The following MYOF variants were observed in gnomAD, a reference collection of about 807,000 sequenced individuals.
The protein encoded by MYOF is myoferlin.
A neutral mutation model predicts 284.2 loss-of-function variants in MYOF; 244 were observed. The ratio of observed to expected loss-of-function variants is 0.86; its 90% CI spans 0.77 to 0.95. The LOEUF (loss-of-function observed/expected upper bound fraction) is 0.95, where lower values mean the gene tolerates loss of function less well. Ranked by LOEUF, MYOF falls within the 40% of genes least tolerant of loss-of-function variation. MYOF has a pLI of 0.00. For missense variants in MYOF, 2,496 were observed against 2,560.6 expected, an observed-to-expected ratio of 0.97 and a Z score of 0.54; for synonymous variants, 904 against 919.7, an observed-to-expected ratio of 0.98 and a Z score of 0.31.
intron 5 of MYOF, among the ~76,000 whole-genome samples, chr10:93,417,951 T>G (rs1848200483): frequency 6.6e-6 from 1 of 152,130 alleles, no homozygotes; most frequent in African/African-American, 2.4e-5. Context: ...ACGTGCATCA[T>G]CACACCCAGC....
intron 11 of MYOF, 152 bp downstream of exon 11, chr10:93,402,080 T>A (rs1331976835): frequency 4.8e-6 from 3 of 626,430 alleles, no homozygotes; most frequent in South Asian, 2.0e-5. Context: ...AATTCCATGA[T>A]GAAGAAAAGA....
At chr10:93,431,746 C>CTT (rs35400002) in intron 3 of MYOF, among the ~76,000 whole-genome samples, 3,800 of 131,742 alleles carry the variant, frequency 0.029, 120 homozygotes, top group African/African-American at 0.064. Flanking sequence ...TCTTTCTTTT[C>CTT]TTTTTTTTTT....
intron 3 of MYOF, among the ~76,000 whole-genome samples, chr10:93,437,978 G>A (rs528333615): frequency 6.6e-6 from 1 of 152,304 alleles, no homozygotes; most frequent in East Asian, 1.9e-4. Context: ...TCCTAAGCCT[G>A]TGCTTCCTTA....
chr10:93,423,903 G>A (rs1387497934), intron 5 of MYOF, among the ~76,000 whole-genome samples: 1 of 151,604 alleles, frequency 6.6e-6, no homozygotes, highest in African/African-American at 2.4e-5. Flanking sequence ...CCACTCAGGA[G>A]CTATATCCTA....
At chr10:93,393,378 T>G (rs1286974609) in intron 16 of MYOF, among the ~76,000 whole-genome samples, 1 of 152,232 alleles carries the variant, frequency 6.6e-6, no homozygotes, top group Non-Finnish European at 1.5e-5. Context: ...TTGCACATTA[T>G]TTGATTGAAA....
chr10:93,390,502 A>G (rs696179), intron 17 of MYOF, among the ~76,000 whole-genome samples: 114,615 of 152,198 alleles, frequency 0.75, 43,777 homozygotes, highest in East Asian at 0.98. Context: ...CTTATGAAAC[A>G]CAAAGAGGGA....
intron 1 of MYOF, among the ~76,000 whole-genome samples, chr10:93,472,248 G>A (rs886136481): frequency 6.6e-6 from 1 of 152,168 alleles, no homozygotes; most frequent in African/African-American, 2.4e-5. Context: ...TGGCTATTAT[G>A]AAATAAAGAA....
In MYOF at chr10:93,408,742, C is replaced by G; in HGVS notation, c.729+45G>C. 3.1e-6 allele frequency: 5 copies of G among 1,612,350 alleles called. No individual in the cohort carries two copies. In the South Asian group the frequency reaches 3.3e-5, roughly 11 times the overall value. ...TGAAGCTGCTCCCGTGTTTCCCTCC[C>G]CAGTGGGACTCATGAGCAGAAACAT... On this transcript the variant is annotated intron_variant, in intron 7 of 53. Transcript: ENST00000359263.
At chr10:93,311,054 C>T (rs1435066282) in intron 51 of MYOF, among the ~76,000 whole-genome samples, 1 of 152,134 alleles carries the variant, frequency 6.6e-6, no homozygotes, top group African/African-American at 2.4e-5. Context: ...CTCTTCATGC[C>T]TATCAATCAT....
chr10:93,379,755 T>C lies in MYOF; in HGVS notation c.2001+108A>G, dbSNP rs1846024135. ...TCCTAGAGACATTGCTCTTACCTTA[T>C]TGATCACTGTACTAAGCACTTTCTT... On this transcript the variant is annotated intron_variant, in intron 21 of 53. Transcript: ENST00000359263. The C allele has an allele frequency of 2.3e-5, 31 of 1,355,112 alleles. 1 individual carries two copies. In the South Asian group the frequency reaches 3.4e-4, roughly 15 times the overall value. 83.9% of individuals were successfully genotyped at this position (1,355,112 alleles called of 1,614,324 possible).
intron 1 of MYOF, among the ~76,000 whole-genome samples, chr10:93,471,100 A>T (rs1589618669): frequency 6.6e-6 from 1 of 152,086 alleles, no homozygotes; most frequent in Non-Finnish European, 1.5e-5. Flanking sequence ...AATGAAGTGG[A>T]CCTCGCCCTG....
At chr10:93,388,897 C>G in intron 18 of MYOF, 133 bp downstream of exon 18, 1 of 1,233,812 alleles carries the variant, frequency 8.1e-7, no homozygotes, top group Non-Finnish European at 1.1e-6. Context: ...TCTCCACAGT[C>G]TTTTCCTATC....
Position 93,374,942 on chromosome 10 carries a change from G to A in MYOF, c.2122C>T (p.Leu708Phe). The A allele has an allele frequency of 1.2e-6, 2 of 1,611,410 alleles. No individual in the cohort carries two copies. Among genetic ancestry groups the A allele is most frequent in the South Asian group, 1.1e-5 (1 of 90,262 alleles). The change falls in exon 23 of 54, where the codon CTC becomes TTC. Residue 708 changes from leucine to phenylalanine, a missense_variant. Around this residue, in one of 3 missense-constraint regions of MYOF, gnomAD observed 2,436 missense variants for 2,480.7 expected, o/e 0.98. Transcript: ENST00000359263. ...GTGACGTTGGCTTTTCCTTCTGTGA[G>A]AGGCAACGTGTATCTAGAAAAATGA... The part of the protein sequence containing the change: ...VIEDTRYTLP[L>F]TEGKANVTVL...
At position 93,371,645 on chromosome 10, in the gene MYOF, T is replaced by C. The variant is rs558011345; in HGVS notation, c.2457+1285A>G. Among the ~76,000 whole-genome samples, 3 of 152,344 alleles carry C rather than the reference T, an allele frequency of 2.0e-5. 1 individual carries two copies. In the South Asian group the frequency reaches 6.2e-4, roughly 32 times the overall value. On this transcript the variant is annotated intron_variant, in intron 24 of 53. Coordinates refer to ENST00000359263, the MANE Select transcript of MYOF (RefSeq NM_013451.4). ...ATTGTTACAGTTAAATCAATAAATA[T>C]TTTAAAAATTTATCAGCTTCGATCT...
intron 15 of MYOF, 83 bp from the exon 16 acceptor site, chr10:93,396,307 TAAA>T (rs964688088): frequency 9.8e-7 from 1 of 1,017,268 alleles, no homozygotes; most frequent in African/African-American, 1.7e-5. Flanking sequence ...TTTCAACAAT[TAAA>T]AAAAAGTTAG....
At chr10:93,406,900 G>C (rs1402862169) in intron 7 of MYOF, among the ~76,000 whole-genome samples, 4 of 152,146 alleles carry the variant, frequency 2.6e-5, no homozygotes, top group Admixed American at 6.5e-5. Flanking sequence ...GGAATGAAGA[G>C]GTAGTGTGGT....
chr10:93,342,010 T>C (rs1397352179), intron 38 of MYOF: 6 of 1,263,030 alleles, frequency 4.8e-6, no homozygotes, highest in South Asian at 1.2e-5. Flanking sequence ...CATGTACACA[T>C]GTCCATGTTA....
chr10:93,384,130 T>A (rs962793508), intron 19 of MYOF, among the ~76,000 whole-genome samples: 1 of 152,162 alleles, frequency 6.6e-6, no homozygotes, highest in Non-Finnish European at 1.5e-5. Flanking sequence ...AAGCCCAGAT[T>A]CCAGGAGGGG....
chr10:93,324,320 A>G (rs1842954533), intron 46 of MYOF: 1 of 152,244 alleles, frequency 6.6e-6, no homozygotes, highest in Non-Finnish European at 1.5e-5. Flanking sequence ...ATGCATTGTG[A>G]TCAAAATACA....
Sources: gnomAD v4.1 joint callset for allele counts (sites outside exome capture counted in the v4.1 genomes callset) on GRCh38, gnomAD v4.1.1 for gene constraint, gnomAD v4.1.1 regional missense constraint, MANE v1.5 for transcripts, NCBI Gene and HGNC (gene_info 2026-07-23, HGNC 2026-07-21) for gene names.